The following SH3KBP1 variants were observed in gnomAD, a reference collection of about 807,000 sequenced individuals.
The protein encoded by SH3KBP1 is SH3 domain containing kinase binding protein 1, also known as SH3 domain-containing kinase-binding protein 1.
SH3KBP1 carries 8 observed loss-of-function variants against 50.1 expected under a neutral mutation model. The observed-to-expected ratio is 0.16, with a 90% confidence interval of 0.09 to 0.29. The LOEUF is 0.29. Ranked by LOEUF, SH3KBP1 falls within the 10% of genes least tolerant of loss-of-function variation. The pLI, the probability that SH3KBP1 is intolerant of heterozygous loss-of-function variation, is 1.00. For synonymous variants in SH3KBP1, 227 were observed against 218.6 expected, an observed-to-expected ratio of 1.04 and a Z score of -0.34; for missense variants, 377 against 535.2, an observed-to-expected ratio of 0.70 and a Z score of 2.92.
rs1443276599 is a variant in SH3KBP1, at chrX:19,537,761, A to G, written c.1912T>C (p.Leu638=). Residue 638 remains leucine (L), a synonymous_variant, in exon 17 of 18, where the codon TTG becomes CTG. Coordinates refer to ENST00000397821, the MANE Select transcript of SH3KBP1 (RefSeq NM_031892.3). ...DQQKREIKQL[L]SELDEEKKIR... ...TTCTTCTCTTCATCCAACTCAGACA[A>G]TAACTGTTTAATCTCTCGTCTGAAA... 1 of 1,210,866 alleles carries G rather than the reference A, an allele frequency of 8.3e-7. No individual in the cohort carries two copies. The highest frequency in any genetic ancestry group is 1.7e-5 in the African/African-American group (1 of 57,791).
intron 2 of SH3KBP1, among the ~76,000 whole-genome samples, chrX:19,791,573 T>G (rs1234732985): frequency 9.4e-6 from 1 of 106,809 alleles, no homozygotes; most frequent in African/African-American, 3.4e-5. Context: ...GGGAGTAAAG[T>G]AGGAAACTTT....
intron 13 of SH3KBP1, among the ~76,000 whole-genome samples, 173 bp from the exon 14 acceptor site, chrX:19,550,256 T>C (rs1299921310): frequency 8.9e-6 from 1 of 112,036 alleles, no homozygotes; most frequent in Non-Finnish European, 1.9e-5. Context: ...TCAAACTGAA[T>C]AGAATAATCA....
rs1245064694 is a variant in SH3KBP1 at position 19,736,541 on chromosome X, C to A, written c.286+9777G>T. Among the ~76,000 whole-genome samples the A allele has an allele frequency of 2.0e-4, 22 of 112,425 alleles. 1 individual carries two copies. Among genetic ancestry groups the A allele is most frequent in the Non-Finnish European group, 1.9e-5 (1 of 53,272 alleles). ...AAATGCTCTTTTTCATGCACAGGCA[C>A]ATGCAGAGGAAGCTTCTGGCTGGTC... is the stretch of plus-strand genomic sequence containing the variant. On this transcript the variant is annotated intron_variant, in intron 3 of 17. Transcript: ENST00000397821.
At chrX:19,803,830 C>A (rs2066955021) in intron 2 of SH3KBP1, among the ~76,000 whole-genome samples, 2 of 112,168 alleles carry the variant, frequency 1.8e-5, no homozygotes, top group Non-Finnish European at 3.8e-5. Context: ...ACAAAGACAT[C>A]CCCTGGCCCT....
intron 2 of SH3KBP1, among the ~76,000 whole-genome samples, chrX:19,782,870 G>A (rs1052386738): frequency 1.9e-4 from 21 of 111,637 alleles, no homozygotes; most frequent in African/African-American, 5.2e-4. Context: ...ACTTCGAGAG[G>A]ACAAGGTGGG....
At chrX:19,714,252 T>A (rs1603087228) in intron 3 of SH3KBP1, among the ~76,000 whole-genome samples, 1 of 111,416 alleles carries the variant, frequency 9.0e-6, no homozygotes, top group South Asian at 3.7e-4. Context: ...AAAACATAGT[T>A]AGAAAGAATG....
intron 13 of SH3KBP1, among the ~76,000 whole-genome samples, chrX:19,555,023 G>A (rs1019741656): frequency 2.7e-5 from 3 of 112,817 alleles, no homozygotes; most frequent in African/African-American, 9.7e-5. Flanking sequence ...CCATTGTGGT[G>A]TGGAGAAAAT....
intron 1 of SH3KBP1, among the ~76,000 whole-genome samples, chrX:19,881,919 G>A (rs2069445777): frequency 9.0e-6 from 1 of 111,461 alleles, no homozygotes; most frequent in Non-Finnish European, 1.9e-5. Context: ...CTTCGTGATT[G>A]GAGAAGGATC....
chrX:19,536,255 A>G lies in SH3KBP1; in HGVS notation c.*162T>C. The stretch of plus-strand genomic sequence containing the variant: ...ACCCTGGGGAAGATTCTCCTCTTGG[A>G]TGGAATTTGTGTTGTGCTATCAAGA... On this transcript the variant is annotated 3_prime_UTR_variant, in exon 18 of 18. Transcript: ENST00000397821. 2.6e-6 allele frequency: 1 copy of G among 383,063 alleles called. No individual in the cohort carries two copies. Among genetic ancestry groups the G allele is most frequent in the Non-Finnish European group, 4.6e-6 (1 of 215,807 alleles). The allele number at this position is 383,063 out of a possible 1,213,427, so 31.6% of individuals were successfully genotyped here. A position where few individuals can be genotyped will look rare whatever the true frequency, so the allele number is the denominator to read the frequency against.
intron 12 of SH3KBP1, among the ~76,000 whole-genome samples, chrX:19,572,914 T>C (rs1038496121): frequency 2.7e-5 from 3 of 111,385 alleles, no homozygotes; most frequent in African/African-American, 9.8e-5. Context: ...CCTCCTGACA[T>C]ATTAGGAAGA....
intron 2 of SH3KBP1, among the ~76,000 whole-genome samples, chrX:19,761,291 GAA>G (rs1368711143): frequency 1.2e-5 from 1 of 85,163 alleles, no homozygotes; most frequent in Non-Finnish European, 2.3e-5. Context: ...AGGGGAGAGA[GAA>G]AGAGAGAGAG....
intron 1 of SH3KBP1, among the ~76,000 whole-genome samples, chrX:19,854,368 C>T (rs2068592096): frequency 1.8e-5 from 2 of 111,286 alleles, no homozygotes; most frequent in Non-Finnish European, 3.8e-5. Flanking sequence ...CTGCCCGCCT[C>T]ACCTCCCAAA....
At chrX:19,604,675 G>A (rs1309388646) in intron 9 of SH3KBP1, among the ~76,000 whole-genome samples, 2 of 111,421 alleles carry the variant, frequency 1.8e-5, no homozygotes, top group East Asian at 5.6e-4. Flanking sequence ...CACCCTCAGC[G>A]CAGCAAATGA....
chrX:19,561,356 A>C (rs2065672952), intron 13 of SH3KBP1, among the ~76,000 whole-genome samples: 1 of 111,295 alleles, frequency 9.0e-6, no homozygotes, highest in Non-Finnish European at 1.9e-5. Flanking sequence ...CATCAGGAGA[A>C]GGTAAAAAGG....
chrX:19,567,924 G>A (rs1009077171), intron 13 of SH3KBP1, among the ~76,000 whole-genome samples: 2 of 111,122 alleles, frequency 1.8e-5, no homozygotes, highest in African/African-American at 3.3e-5. Flanking sequence ...CCATAAAAAC[G>A]AGATCCTATC....
At chrX:19,616,191 A>T (rs2067606625) in intron 8 of SH3KBP1, among the ~76,000 whole-genome samples, 1 of 110,490 alleles carries the variant, frequency 9.1e-6, no homozygotes, top group Non-Finnish European at 1.9e-5. Flanking sequence ...CAAATTCCTA[A>T]ACTCAAGTGA....
intron 7 of SH3KBP1, among the ~76,000 whole-genome samples, chrX:19,643,835 C>A (rs1433203372): frequency 9.0e-6 from 1 of 111,288 alleles, no homozygotes; most frequent in Non-Finnish European, 1.9e-5. Flanking sequence ...GGGTTTATCT[C>A]TAGTATAACC....
chrX:19,787,776 A>T (rs1481154467), intron 2 of SH3KBP1, among the ~76,000 whole-genome samples: 1 of 111,558 alleles, frequency 9.0e-6, no homozygotes, highest in Non-Finnish European at 1.9e-5. Context: ...TATTTCACTC[A>T]TTCAATCACT....
intron 8 of SH3KBP1, among the ~76,000 whole-genome samples, chrX:19,612,750 A>G (rs775159346): frequency 8.9e-6 from 1 of 111,894 alleles, no homozygotes; most frequent in Non-Finnish European, 1.9e-5. Flanking sequence ...CTCAGAGTCT[A>G]GTGGGAGAGG....
Sources: allele counts gnomAD v4.1 joint callset (sites outside exome capture counted in the v4.1 genomes callset), GRCh38; gene constraint gnomAD v4.1.1; transcripts MANE v1.5; gene names NCBI Gene and HGNC (gene_info 2026-07-23, HGNC 2026-07-21).